HS3ST2: variants seen among roughly 807,000 people sequenced by gnomAD.
The protein encoded by HS3ST2 is heparan sulfate glucosamine 3-O-sulfotransferase 2.
Under a neutral mutation model 26.3 loss-of-function variants are expected in HS3ST2, and 17 were observed. The ratio of observed to expected loss-of-function variants is 0.65; its 90% CI spans 0.44 to 0.97. The LOEUF (loss-of-function observed/expected upper bound fraction) is 0.97, where lower values mean the gene tolerates loss of function less well. HS3ST2 is among the 50% of genes least tolerant of loss of function. The pLI is 0.00. For missense variants in HS3ST2, 402 were observed against 501.2 expected (o/e 0.80, Z 1.89); for synonymous variants, 237 against 219.2 (o/e 1.08, Z -0.72).
intron 1 of HS3ST2, among the ~76,000 whole-genome samples, chr16:22,896,750 A>G (rs892583100): frequency 6.6e-6 from 1 of 151,842 alleles, no homozygotes; most frequent in African/African-American, 2.4e-5. Flanking sequence ...TTTTCATGTC[A>G]TCTTACTGTC....
At position 22,877,272 on chromosome 16, in the gene HS3ST2, C is replaced by T. The variant is rs535860203; in HGVS notation, c.486-37672C>T. 6.6e-5 allele frequency among the ~76,000 whole-genome samples: 10 copies of T among 152,312 alleles called. No individual in the cohort carries two copies. In the South Asian group the frequency reaches 2.1e-3, roughly 32 times the overall value. ...GTGACTGCAGGCATTCCCCAAAGAG[C>T]CTTCTGTCTGCATGGATGGCACAGA... On this transcript the variant is annotated intron_variant, in intron 1 of 1. Coordinates refer to ENST00000261374, the MANE Select transcript of HS3ST2 (RefSeq NM_006043.2).
chr16:22,866,637 C>T (rs1180478953), intron 1 of HS3ST2, among the ~76,000 whole-genome samples: 1 of 151,780 alleles, frequency 6.6e-6, no homozygotes, highest in African/African-American at 2.4e-5. Flanking sequence ...CCCGTCTCTA[C>T]AAAATGCAGA....
chr16:22,908,559 TG>T (rs1278290216), intron 1 of HS3ST2, among the ~76,000 whole-genome samples: 2 of 152,200 alleles, frequency 1.3e-5, no homozygotes, highest in African/African-American at 4.8e-5. Context: ...TTCTTGCTGT[TG>T]GGGGCTCTCC....
At chr16:22,882,714 G>C (rs1458486021) in intron 1 of HS3ST2, among the ~76,000 whole-genome samples, 1 of 149,882 alleles carries the variant, frequency 6.7e-6, no homozygotes, top group Admixed American at 6.7e-5. Context: ...CTGGGTGACA[G>C]AGTGAGACTC....
chr16:22,903,675 T>C (rs1902311180), intron 1 of HS3ST2, among the ~76,000 whole-genome samples: 1 of 152,126 alleles, frequency 6.6e-6, no homozygotes, highest in African/African-American at 2.4e-5. Flanking sequence ...CGAGGTGCAG[T>C]CTCTTTGCTC....
At chr16:22,819,502 T>C (rs1055069917) in intron 1 of HS3ST2, among the ~76,000 whole-genome samples, 1 of 152,172 alleles carries the variant, frequency 6.6e-6, no homozygotes, top group Non-Finnish European at 1.5e-5. Context: ...ATGTCTGAAG[T>C]GTTCTCAATT....
At chr16:22,876,358 A>G (rs1901916959) in intron 1 of HS3ST2, among the ~76,000 whole-genome samples, 1 of 152,260 alleles carries the variant, frequency 6.6e-6, no homozygotes, top group Non-Finnish European at 1.5e-5. Context: ...AATTCTCATC[A>G]TCACTAATGA....
intron 1 of HS3ST2, among the ~76,000 whole-genome samples, chr16:22,848,966 C>G (rs568972047): frequency 2.0e-5 from 3 of 152,220 alleles, no homozygotes; most frequent in Non-Finnish European, 1.5e-5. Context: ...ATGTGAGAGT[C>G]TTTAAAAGCT....
At chr16:22,895,468 C>T (rs1274589569) in intron 1 of HS3ST2, among the ~76,000 whole-genome samples, 1 of 152,118 alleles carries the variant, frequency 6.6e-6, no homozygotes, top group Non-Finnish European at 1.5e-5. Flanking sequence ...TACAGAATTT[C>T]TACAGGAAGT....
chr16:22,831,479 C>G (rs535333563), intron 1 of HS3ST2, among the ~76,000 whole-genome samples: 2 of 152,228 alleles, frequency 1.3e-5, no homozygotes, highest in African/African-American at 4.8e-5. Flanking sequence ...AGATTCAGCT[C>G]CGCAGTATTT....
intron 1 of HS3ST2, among the ~76,000 whole-genome samples, chr16:22,897,152 C>T (rs2655110): frequency 0.43 from 65,902 of 152,112 alleles, 15,200 homozygotes; most frequent in Admixed American, 0.54. Context: ...TCCTTCTGCT[C>T]AAATGTCCCC....
Position 22,873,364 on chromosome 16 carries a change from C to T in HS3ST2, c.486-41580C>T, listed in dbSNP as rs925127215. Among the ~76,000 whole-genome samples the T allele has an allele frequency of 6.6e-5, 10 of 152,198 alleles. 1 individual carries two copies. The highest frequency in any genetic ancestry group is 5.2e-4 in the Admixed American group (8 of 15,282). On this transcript the variant is annotated intron_variant, in intron 1 of 1. Coordinates refer to ENST00000261374, the MANE Select transcript of HS3ST2 (RefSeq NM_006043.2). Reference sequence around the variant, plus strand: ...ATTCTTTAAACACCAAGCTCAAAGGCTGGAACATGGCAGACATTTAAATGC... The same window carrying T: ...ATTCTTTAAACACCAAGCTCAAAGGTTGGAACATGGCAGACATTTAAATGC...
chr16:22,883,903 G>C (rs1240063796), intron 1 of HS3ST2, among the ~76,000 whole-genome samples: 2 of 152,310 alleles, frequency 1.3e-5, no homozygotes, highest in African/African-American at 4.8e-5. Context: ...GCCAGCCACA[G>C]AGGAGATCTA....
chr16:22,902,416 C>T lies in HS3ST2; in HGVS notation c.486-12528C>T, dbSNP rs539074146. ...GTGTTGTTTTCTAGTTGTAGGTATC[C>T]TCCCATACCCTTTCTACCTTTTGGA... On this transcript the variant is annotated intron_variant, in intron 1 of 1. Transcript: ENST00000261374. Among the ~76,000 whole-genome samples, 9 of 152,290 alleles carry T rather than the reference C, an allele frequency of 5.9e-5. No individual in the cohort carries two copies. The South Asian group carries it at 1.5e-3, about 25-fold the overall frequency.
intron 1 of HS3ST2, among the ~76,000 whole-genome samples, chr16:22,842,201 A>G (rs1454168173): frequency 6.6e-6 from 1 of 151,666 alleles, no homozygotes; most frequent in Non-Finnish European, 1.5e-5. Flanking sequence ...AGCTGGGACT[A>G]AAGGCATGTG....
intron 1 of HS3ST2, among the ~76,000 whole-genome samples, chr16:22,852,362 A>G (rs80240297): frequency 0.012 from 1,858 of 152,294 alleles, 37 homozygotes; most frequent in East Asian, 0.039. Context: ...GTAAATAGCT[A>G]CTATAATGGC....
chr16:22,843,561 A>T lies in HS3ST2; in HGVS notation c.485+28466A>T, dbSNP rs140856963. 4.1e-4 allele frequency among the ~76,000 whole-genome samples: 63 copies of T among 152,320 alleles called. No individual in the cohort carries two copies. In the East Asian group the frequency reaches 7.7e-3, roughly 19 times the overall value. On this transcript the variant is annotated intron_variant, in intron 1 of 1. Transcript: ENST00000261374. ...CACATCTGCCAGTTCATGAAGAGGG[A>T]TCTTTTAAATGATGCAAATAAATAG...
Position 22,879,271 on chromosome 16 carries a change from A to G in HS3ST2, c.486-35673A>G, listed in dbSNP as rs897826405. On this transcript the variant is annotated intron_variant, in intron 1 of 1. Transcript: ENST00000261374. ...ACTGATTATTTCTTTGGATTCCAAC[A>G]GAATCCACCAGGTGTTTCAGTGTCT... Among the ~76,000 whole-genome samples, 7 of 152,234 alleles carry G rather than the reference A, an allele frequency of 4.6e-5. 1 individual carries two copies. Among genetic ancestry groups the G allele is most frequent in the Non-Finnish European group, 8.8e-5 (6 of 68,036 alleles).
intron 1 of HS3ST2, among the ~76,000 whole-genome samples, chr16:22,863,039 C>A (rs1367001855): frequency 4.6e-5 from 7 of 152,232 alleles, no homozygotes; most frequent in African/African-American, 1.7e-4. Flanking sequence ...CGACTACAGA[C>A]AGTCTTCCCA....
Sources: gnomAD v4.1 joint callset for allele counts (sites outside exome capture counted in the v4.1 genomes callset) on GRCh38, gnomAD v4.1.1 for gene constraint, MANE v1.5 for transcripts, NCBI Gene and HGNC (gene_info 2026-07-23, HGNC 2026-07-21) for gene names.